The following BRIP1 variants were observed in gnomAD, a reference collection of about 807,000 sequenced individuals.
BRIP1 encodes Fanconi anemia group J protein.
Under a neutral mutation model 119.7 loss-of-function variants are expected in BRIP1, and 88 were observed. That is an observed-to-expected ratio of 0.74 (90% CI 0.62 to 0.88). The LOEUF (loss-of-function observed/expected upper bound fraction) is 0.88, where lower values mean the gene tolerates loss of function less well. Ranked by LOEUF, BRIP1 falls within the 40% of genes least tolerant of loss-of-function variation. The pLI is 0.00. For missense variants in BRIP1, 1,259 were observed against 1,455.4 expected (o/e 0.87, Z 2.20); for synonymous variants, 443 against 496.5 (o/e 0.89, Z 1.43).
Position 61,804,647 on chromosome 17 carries a change from G to A in BRIP1, c.919-3173C>T, listed in dbSNP as rs2078046666. ...CAAGTGCCCACCTCAGCCTCCCAGA[G>A]TGCTGGCATTACAGGCATGAGCATC... On this transcript the variant is annotated intron_variant, in intron 7 of 19. Coordinates refer to ENST00000259008, the MANE Select transcript of BRIP1 (RefSeq NM_032043.3). This position sits in a 1 kb window ranked among gnomAD's most constrained non-coding sequence, Gnocchi z 4.5. Among the ~76,000 whole-genome samples, 10 of 151,854 alleles carry A rather than the reference G, an allele frequency of 6.6e-5. No individual in the cohort carries two copies. Among genetic ancestry groups the A allele is most frequent in the Admixed American group, 5.9e-4 (9 of 15,232 alleles).
rs575227129 is a variant in BRIP1 at position 61,768,803 on chromosome 17, C to T, written c.2097+7598G>A. On this transcript the variant is annotated intron_variant, in intron 14 of 19. Coordinates refer to ENST00000259008, the MANE Select transcript of BRIP1 (RefSeq NM_032043.3). The surrounding 1 kb of genome is among the most constrained non-coding windows in gnomAD (Gnocchi z 5.0). ...AGTAAAGATGAGGGGATTTTATGAA[C>T]GTAATTAAGGTCTACCTCAATTGAT... 5.0e-4 allele frequency among the ~76,000 whole-genome samples: 76 copies of T among 152,132 alleles called. No homozygotes were observed. Among genetic ancestry groups the T allele is most frequent in the Non-Finnish European group, 9.9e-4 (67 of 67,982 alleles).
At position 61,861,379 on chromosome 17, in the gene BRIP1, C is replaced by T. The variant is rs1209388455; in HGVS notation, c.93+68G>A. 30 of 1,035,732 alleles carry T rather than the reference C, an allele frequency of 2.9e-5. No individual in the cohort carries two copies. The highest frequency in any genetic ancestry group is 7.0e-5 in the Admixed American group (4 of 56,962). 64.2% of individuals were successfully genotyped at this position (1,035,732 alleles called of 1,614,324 possible). A position where few individuals can be genotyped will look rare whatever the true frequency, so the allele number is the denominator to read the frequency against. ...CTGAGAATATGAATGCAGTCAAATA[C>T]TCAATGTACTTTATGGGTCATAAGT... On this transcript the variant is annotated intron_variant, in intron 2 of 19. Coordinates refer to ENST00000259008, the MANE Select transcript of BRIP1 (RefSeq NM_032043.3). This position sits in a 1 kb window ranked among gnomAD's most constrained non-coding sequence, Gnocchi z 4.5.
intron 17 of BRIP1, among the ~76,000 whole-genome samples, chr17:61,698,650 G>A (rs1703080127): frequency 6.6e-6 from 1 of 151,720 alleles, no homozygotes; most frequent in African/African-American, 2.4e-5. Context: ...TGTGTTTTGG[G>A]GCCTTTTTGT....
In BRIP1 at chr17:61,696,776, G is replaced by C. The variant is rs148121256; in HGVS notation, c.2493-3264C>G. On this transcript the variant is annotated intron_variant, in intron 17 of 19. Coordinates refer to ENST00000259008, the MANE Select transcript of BRIP1 (RefSeq NM_032043.3). ...CAAGGTGGGCAGATCACGAGATCAG[G>C]AGATCGATACCATCCTGGCTAACAC... 4.4e-3 allele frequency among the ~76,000 whole-genome samples: 663 copies of C among 151,584 alleles called. 4 individuals are homozygous for C. The highest frequency in any genetic ancestry group is 0.015 in the African/African-American group (638 of 41,296).
chr17:61,784,019 T>G (rs1268792785), intron 11 of BRIP1: 3 of 355,008 alleles, frequency 8.5e-6, no homozygotes, highest in Non-Finnish European at 1.6e-5. Flanking sequence ...GAGGTCAAAG[T>G]TGCAGTGAGC....
rs1441988551 is a variant in BRIP1 at position 61,768,384 on chromosome 17, G to A, written c.2097+8017C>T. 1.3e-5 allele frequency among the ~76,000 whole-genome samples: 2 copies of A among 152,008 alleles called. No individual in the cohort carries two copies. The highest frequency in any genetic ancestry group is 2.9e-5 in the Non-Finnish European group (2 of 68,002). On this transcript the variant is annotated intron_variant, in intron 14 of 19. Coordinates refer to ENST00000259008, the MANE Select transcript of BRIP1 (RefSeq NM_032043.3). This position sits in a 1 kb window ranked among gnomAD's most constrained non-coding sequence, Gnocchi z 5.0. ...TGGAATTAGGCTGTATTGCTCTACG[G>A]GAAATCACAGGAATTTTAGTTTGCA...
intron 7 of BRIP1, among the ~76,000 whole-genome samples, chr17:61,801,761 T>G (rs1462084129): frequency 6.6e-6 from 1 of 151,964 alleles, no homozygotes; most frequent in African/African-American, 2.4e-5. Flanking sequence ...TGTTATGCCT[T>G]TTTTTTTCTG....
chr17:61,791,098 A>C (rs1173392912), intron 10 of BRIP1, among the ~76,000 whole-genome samples: 1 of 152,162 alleles, frequency 6.6e-6, no homozygotes, highest in African/African-American at 2.4e-5. Context: ...TAATAGTCAC[A>C]TGCCCCGAAT....
intron 17 of BRIP1, among the ~76,000 whole-genome samples, chr17:61,702,178 C>A (rs1022914473): frequency 6.6e-6 from 1 of 152,080 alleles, no homozygotes; most frequent in African/African-American, 2.4e-5. Flanking sequence ...TTTTTGAGGA[C>A]CTTACCCAAT....
rs1334054973 is a variant in BRIP1, at chr17:61,856,950, A to T, written c.379+108T>A. On this transcript the variant is annotated intron_variant, in intron 4 of 19. Coordinates refer to ENST00000259008, the MANE Select transcript of BRIP1 (RefSeq NM_032043.3). The surrounding 1 kb of genome is among the most constrained non-coding windows in gnomAD (Gnocchi z 5.1). ...ATCATTCCAGAGAAACTAGATAGAG[A>T]TATATAATCAGTTATGCTAACCAAA... 9.5e-7 allele frequency: 1 copy of T among 1,054,988 alleles called. No homozygotes were observed. The highest frequency in any genetic ancestry group is 2.4e-5 in the East Asian group (1 of 41,784). 65.4% of individuals were successfully genotyped at this position (1,054,988 alleles called of 1,614,324 possible). A position where few individuals can be genotyped will look rare whatever the true frequency, so the allele number is the denominator to read the frequency against.
chr17:61,780,728 A>G lies in BRIP1; in HGVS notation c.1794+112T>C. ...GGGTGAAGAGCAAGACCCTGCCTCA[A>G]AACAACAACAACAACAACAACAAAC... On this transcript the variant is annotated intron_variant, in intron 12 of 19. Transcript: ENST00000259008. This position sits in a 1 kb window ranked among gnomAD's most constrained non-coding sequence, Gnocchi z 5.4. The G allele has an allele frequency of 1.5e-6, 2 of 1,316,426 alleles. No individual in the cohort carries two copies. The highest frequency in any genetic ancestry group is 2.2e-6 in the Non-Finnish European group (2 of 919,194). The allele number at this position is 1,316,426 out of a possible 1,614,324, so 81.5% of individuals were successfully genotyped here. A position where few individuals can be genotyped will look rare whatever the true frequency, so the allele number is the denominator to read the frequency against.
chr17:61,815,158 T>C lies in BRIP1; in HGVS notation c.628-6401A>G, dbSNP rs2078218571. Among the ~76,000 whole-genome samples, 1 of 151,238 alleles carries C rather than the reference T, an allele frequency of 6.6e-6. No individual in the cohort carries two copies. The highest frequency in any genetic ancestry group is 1.5e-5 in the Non-Finnish European group (1 of 67,824). On this transcript the variant is annotated intron_variant, in intron 6 of 19. Transcript: ENST00000259008. This position sits in a 1 kb window ranked among gnomAD's most constrained non-coding sequence, Gnocchi z 4.1. ...ACAGTAAATATACTCTGTTCTGGTT[T>C]CTCCTCAGTTGTTTCATACCCAGCA...
At chr17:61,764,500 C>A (rs367579791) in intron 14 of BRIP1, among the ~76,000 whole-genome samples, 1 of 152,130 alleles carries the variant, frequency 6.6e-6, no homozygotes, top group African/African-American at 2.4e-5. Context: ...ATCAAGTTAA[C>A]GTCCCTCCTG....
chr17:61,830,077 C>A (rs1007782132), intron 6 of BRIP1, among the ~76,000 whole-genome samples: 1 of 151,770 alleles, frequency 6.6e-6, no homozygotes, highest in Non-Finnish European at 1.5e-5. Flanking sequence ...GGATTACAGG[C>A]GCCCACCACC....
chr17:61,689,799 C>T lies in BRIP1; in HGVS notation c.2575+3631G>A, dbSNP rs1453763450. Among the ~76,000 whole-genome samples the T allele has an allele frequency of 2.6e-5, 4 of 152,034 alleles. No homozygotes were observed. The highest frequency in any genetic ancestry group is 4.8e-5 in the African/African-American group (2 of 41,384). ...GCAGAGGTAGGAGAATTGCTTGAGCCGAGGAGTTTGAGATTAGCCTGGGCA... is the reference window on the plus strand; with the variant it reads ...GCAGAGGTAGGAGAATTGCTTGAGCTGAGGAGTTTGAGATTAGCCTGGGCA... On this transcript the variant is annotated intron_variant, in intron 18 of 19. Transcript: ENST00000259008. This position sits in a 1 kb window ranked among gnomAD's most constrained non-coding sequence, Gnocchi z 4.5.
Position 61,834,755 on chromosome 17 carries a change from T to C in BRIP1, c.627+12346A>G, listed in dbSNP as rs533648872. Among the ~76,000 whole-genome samples, 7 of 152,262 alleles carry C rather than the reference T, an allele frequency of 4.6e-5. No homozygotes were observed. The East Asian group carries it at 9.6e-4, about 21-fold the overall frequency. On this transcript the variant is annotated intron_variant, in intron 6 of 19. Coordinates refer to ENST00000259008, the MANE Select transcript of BRIP1 (RefSeq NM_032043.3). The surrounding 1 kb of genome is among the most constrained non-coding windows in gnomAD (Gnocchi z 4.4). ...CATAAACCAGAATTAGCCTGCTAGA[T>C]GATGAGAGAGACCCACCTCATGGTC...
chr17:61,786,606 AATAT>A (rs907957385), intron 10 of BRIP1, among the ~76,000 whole-genome samples: 1 of 146,646 alleles, frequency 6.8e-6, no homozygotes, highest in East Asian at 1.9e-4. Context: ...ATAAAAATAT[AATAT>A]ATATATTATT....
intron 17 of BRIP1, among the ~76,000 whole-genome samples, chr17:61,712,930 A>T (rs1460352203): frequency 6.6e-6 from 1 of 152,072 alleles, no homozygotes; most frequent in Non-Finnish European, 1.5e-5. Flanking sequence ...TTTAATTTGC[A>T]CAAAACCTAA....
chr17:61,796,611 T>C lies in BRIP1; in HGVS notation c.1340+2489A>G, dbSNP rs148116831. On this transcript the variant is annotated intron_variant, in intron 9 of 19. Transcript: ENST00000259008. The surrounding 1 kb of genome is among the most constrained non-coding windows in gnomAD (Gnocchi z 4.8). ...AGTTCTCTATTCTGTTCCATTGATC[T>C]GTGTGTCTGTTTTTATGCCAGTACT... Among the ~76,000 whole-genome samples the C allele has an allele frequency of 7.6e-4, 116 of 152,202 alleles. No individual in the cohort carries two copies. Among genetic ancestry groups the C allele is most frequent in the African/African-American group, 2.7e-3 (112 of 41,576 alleles).
Sources: gnomAD v4.1 joint callset for allele counts (sites outside exome capture counted in the v4.1 genomes callset) on GRCh38, gnomAD v4.1.1 for gene constraint, Gnocchi (gnomAD v3.1) non-coding constraint, MANE v1.5 for transcripts, NCBI Gene and HGNC (gene_info 2026-07-23, HGNC 2026-07-21) for gene names.